Variants in LSMEM2 observed in about 807,000 individuals in gnomAD.
The protein encoded by LSMEM2 is leucine-rich single-pass membrane protein 2.
A neutral mutation model predicts 17.3 loss-of-function variants in LSMEM2; 20 were observed. The ratio of observed to expected loss-of-function variants is 1.16; its 90% CI spans 0.81 to 1.68. The LOEUF (loss-of-function observed/expected upper bound fraction) is 1.68. Ranked by LOEUF, LSMEM2 falls within the 40% of genes most tolerant of loss-of-function variation. The pLI is 0.00. For missense variants in LSMEM2, 207 were observed against 214.3 expected, an observed-to-expected ratio of 0.97 and a Z score of 0.21; for synonymous variants, 94 against 97.8, an observed-to-expected ratio of 0.96 and a Z score of 0.23.
chr3:50,283,230 G>A (rs1017467765), intron 1 of LSMEM2, among the ~76,000 whole-genome samples: 8 of 151,984 alleles, frequency 5.3e-5, no homozygotes, highest in Non-Finnish European at 1.0e-4. Flanking sequence ...GATGGCTCAC[G>A]CCTATAATCC....
At chr3:50,285,265 A>G (rs1701488100) in intron 1 of LSMEM2, among the ~76,000 whole-genome samples, 1 of 150,470 alleles carries the variant, frequency 6.6e-6, no homozygotes, top group Non-Finnish European at 1.5e-5. Context: ...CGGGAGGCAG[A>G]GGTTGCAGTG....
At chr3:50,279,678 C>T (rs1038684769) in intron 1 of LSMEM2, among the ~76,000 whole-genome samples, 9 of 152,082 alleles carry the variant, frequency 5.9e-5, no homozygotes, top group African/African-American at 2.2e-4. Flanking sequence ...CTCAGCTAGT[C>T]AAGAGCTTGG....
upstream of LSMEM2, among the ~76,000 whole-genome samples, chr3:50,278,839 A>C (rs587681096): frequency 7.4e-4 from 112 of 152,226 alleles, 2 homozygotes; most frequent in South Asian, 0.016. Flanking sequence ...TGGAGTGGCC[A>C]TTCTGGATGT....
At chr3:50,285,838 G>A (rs1302133491) in intron 1 of LSMEM2, among the ~76,000 whole-genome samples, 5 of 151,658 alleles carry the variant, frequency 3.3e-5, no homozygotes, top group African/African-American at 7.3e-5. Context: ...GCGAAACTCC[G>A]TCTCAAAAAA....
intron 1 of LSMEM2, among the ~76,000 whole-genome samples, chr3:50,283,502 C>G (rs897197874): frequency 6.6e-6 from 1 of 151,936 alleles, no homozygotes; most frequent in Admixed American, 6.6e-5. Context: ...CAGCGGACGC[C>G]TGTAGTCCCA....
chr3:50,286,942 G>T (rs1451055466), intron 3 of LSMEM2, 80 bp downstream of exon 3: 11 of 1,584,926 alleles, frequency 6.9e-6, no homozygotes, highest in Non-Finnish European at 9.5e-6. Flanking sequence ...GCTGGAAGGA[G>T]TAACTGCAGA....
Position 50,287,869 on chromosome 3 carries a change from G to A in LSMEM2, c.*667G>A. 1 of 355,924 alleles carries A rather than the reference G, an allele frequency of 2.8e-6. No individual in the cohort carries two copies. Among genetic ancestry groups the A allele is most frequent in the East Asian group, 5.6e-5 (1 of 17,912 alleles). 22.0% of individuals were successfully genotyped at this position (355,924 alleles called of 1,614,324 possible). A position where few individuals can be genotyped will look rare whatever the true frequency, so the allele number is the denominator to read the frequency against. On this transcript the variant is annotated 3_prime_UTR_variant, in exon 4 of 4. Coordinates refer to ENST00000316436, the MANE Select transcript of LSMEM2 (RefSeq NM_153215.3). ...TGTCCAGATGCCACCACCCCCCTAA[G>A]AGTGGGTCATCCTGGGGGAGCAAGG...
At position 50,287,345 on chromosome 3, in the gene LSMEM2, C is replaced by A; in HGVS notation, c.*143C>A. 9.1e-7 allele frequency: 1 copy of A among 1,102,432 alleles called. No individual in the cohort carries two copies. The highest frequency in any genetic ancestry group is 1.5e-5 in the South Asian group (1 of 67,548). 68.3% of individuals were successfully genotyped at this position (1,102,432 alleles called of 1,614,324 possible). On this transcript the variant is annotated 3_prime_UTR_variant, in exon 4 of 4. Coordinates refer to ENST00000316436, the MANE Select transcript of LSMEM2 (RefSeq NM_153215.3). ...TTTTTGTACAAGAACCTGTTGTTAA[C>A]TTAATGGCTGCCTCCCTCTCCTGAT...
At chr3:50,283,793 T>TCAAA (rs375751729) in intron 1 of LSMEM2, among the ~76,000 whole-genome samples, 13 of 151,790 alleles carry the variant, frequency 8.6e-5, no homozygotes, top group Non-Finnish European at 1.5e-4. Context: ...AGACTCTGTC[T>TCAAA]CAAACAAACA....
Position 50,286,876 on chromosome 3 carries a change from G to C in LSMEM2, c.361+14G>C. The C allele has an allele frequency of 3.7e-6, 6 of 1,612,856 alleles. No homozygotes were observed. Among genetic ancestry groups the C allele is most frequent in the Non-Finnish European group, 5.1e-6 (6 of 1,179,620 alleles). Reference sequence around the variant, plus strand: ...TCTACCTGAGCGGTATGGACGCATAGGGTGCTAGTAGGAATGGAAAGCAAG... The same window carrying C: ...TCTACCTGAGCGGTATGGACGCATACGGTGCTAGTAGGAATGGAAAGCAAG... On this transcript the variant is annotated intron_variant, in intron 3 of 3. Coordinates refer to ENST00000316436, the MANE Select transcript of LSMEM2 (RefSeq NM_153215.3).
Position 50,287,741 on chromosome 3 carries a change from C to T in LSMEM2, c.*539C>T, listed in dbSNP as rs1319262459. 2 of 215,020 alleles carry T rather than the reference C, an allele frequency of 9.3e-6. No homozygotes were observed. Among genetic ancestry groups the T allele is most frequent in the African/African-American group, 4.6e-5 (2 of 43,638 alleles). 13.3% of individuals were successfully genotyped at this position (215,020 alleles called of 1,614,324 possible). On this transcript the variant is annotated 3_prime_UTR_variant, in exon 4 of 4. Coordinates refer to ENST00000316436, the MANE Select transcript of LSMEM2 (RefSeq NM_153215.3). ...GAAAAATACCCAGGGGTTAAGACCA[C>T]AGAAGGCTGACCGTTCTGTTTAATT...
chr3:50,282,157 C>A (rs1260977046), intron 1 of LSMEM2, among the ~76,000 whole-genome samples: 1 of 151,406 alleles, frequency 6.6e-6, no homozygotes, highest in Non-Finnish European at 1.5e-5. Flanking sequence ...CGGCCCTAAT[C>A]TTTGATTTTT....
At chr3:50,283,355 C>T (rs1213818985) in intron 1 of LSMEM2, among the ~76,000 whole-genome samples, 2 of 151,608 alleles carry the variant, frequency 1.3e-5, no homozygotes, top group African/African-American at 2.4e-5. Context: ...TGGCCGGGCG[C>T]GGTGGTTCAC....
chr3:50,282,835 G>A (rs148802860), intron 1 of LSMEM2, among the ~76,000 whole-genome samples: 10 of 151,876 alleles, frequency 6.6e-5, no homozygotes, highest in African/African-American at 2.4e-4. Flanking sequence ...AGTGAGCTGA[G>A]ATCATGCCAC....
chr3:50,283,605 C>G (rs1426609740), intron 1 of LSMEM2, among the ~76,000 whole-genome samples: 1 of 131,966 alleles, frequency 7.6e-6, no homozygotes. Flanking sequence ...CCAGCCTGGG[C>G]GGCAGAGCGA....
chr3:50,279,846 C>T (rs372261669), intron 1 of LSMEM2, among the ~76,000 whole-genome samples: 3 of 152,016 alleles, frequency 2.0e-5, no homozygotes, highest in African/African-American at 4.8e-5. Context: ...GAGCATGGCC[C>T]AGCTAGCAAG....
chr3:50,285,099 C>T (rs1445668533), intron 1 of LSMEM2, among the ~76,000 whole-genome samples: 2 of 151,838 alleles, frequency 1.3e-5, no homozygotes, highest in Non-Finnish European at 1.5e-5. Flanking sequence ...TTTGGGAGGC[C>T]GAGGTGGGTG....
upstream of LSMEM2, among the ~76,000 whole-genome samples, chr3:50,278,051 C>T (rs1204176019): frequency 2.6e-5 from 4 of 152,222 alleles, no homozygotes; most frequent in African/African-American, 7.2e-5. Flanking sequence ...GCTGACAAGA[C>T]GGGGCTGGCC....
chr3:50,280,889 G>A lies in LSMEM2; in HGVS notation c.58+1718G>A, dbSNP rs369074627. On this transcript the variant is annotated intron_variant, in intron 1 of 3. Transcript: ENST00000316436. Reference sequence around the variant, plus strand: ...ATTACAGGTGTGAGCTACCGCGCCCGGCCAGCCACCTTGGCCTTTCAAAGT... The same window carrying A: ...ATTACAGGTGTGAGCTACCGCGCCCAGCCAGCCACCTTGGCCTTTCAAAGT... Among the ~76,000 whole-genome samples the A allele has an allele frequency of 2.6e-4, 40 of 151,720 alleles. No individual in the cohort carries two copies. In the East Asian group the frequency reaches 4.1e-3, roughly 16 times the overall value.
Sources: allele counts gnomAD v4.1 joint callset (sites outside exome capture counted in the v4.1 genomes callset), GRCh38; gene constraint gnomAD v4.1.1; transcripts MANE v1.5; gene names NCBI Gene and HGNC (gene_info 2026-07-23, HGNC 2026-07-21).